CHN2: variants seen among roughly 807,000 people sequenced by gnomAD.
The protein encoded by CHN2 is chimerin 2.
A neutral mutation model predicts 56.3 loss-of-function variants in CHN2; 35 were observed. That is an observed-to-expected ratio of 0.62 (90% CI 0.47 to 0.82). The LOEUF (loss-of-function observed/expected upper bound fraction) is 0.82. Among genes scored for constraint, CHN2 ranks in the 40% least tolerant of loss-of-function variants. The probability of loss-of-function intolerance (pLI) is 0.00; values close to 1 mark genes in which losing one functional copy is unlikely to be tolerated. For synonymous variants in CHN2, 210 were observed against 212.8 expected (o/e 0.99, Z 0.12); for missense variants, 491 against 580.5 (o/e 0.85, Z 1.58).
At chr7:29,354,028 C>T (rs183470973) in intron 1 of CHN2, among the ~76,000 whole-genome samples, 1 of 152,338 alleles carries the variant, frequency 6.6e-6, no homozygotes, top group Admixed American at 6.5e-5. Flanking sequence ...GTAACTCTGT[C>T]AGTCTGACAT....
intron 1 of CHN2, among the ~76,000 whole-genome samples, chr7:29,204,825 T>G (rs1268732786): frequency 3.3e-5 from 5 of 152,176 alleles, no homozygotes; most frequent in Admixed American, 6.5e-5. Flanking sequence ...GAATATGAAT[T>G]CTTCAGTGGA....
At chr7:29,369,636 A>G (rs1049631361) in intron 3 of CHN2, among the ~76,000 whole-genome samples, 5 of 152,226 alleles carry the variant, frequency 3.3e-5, no homozygotes, top group African/African-American at 1.2e-4. Context: ...CGGTTTCTCA[A>G]AATCCTTGGA....
At chr7:29,230,855 T>G (rs757602193) in intron 1 of CHN2, among the ~76,000 whole-genome samples, 3 of 152,336 alleles carry the variant, frequency 2.0e-5, no homozygotes, top group Non-Finnish European at 4.4e-5. Context: ...TGACAATTCT[T>G]TATTTACTCA....
At chr7:29,267,177 C>A (rs867361939) in intron 1 of CHN2, among the ~76,000 whole-genome samples, 2 of 151,984 alleles carry the variant, frequency 1.3e-5, no homozygotes, top group Admixed American at 1.3e-4. Flanking sequence ...CAATGCACAA[C>A]GCTGTATCTT....
chr7:29,296,520 T>C (rs956106348), intron 1 of CHN2, among the ~76,000 whole-genome samples: 8 of 152,192 alleles, frequency 5.3e-5, no homozygotes, highest in Non-Finnish European at 7.3e-5. Context: ...AGTAAAACAA[T>C]AGAGAGATGT....
chr7:29,184,322 TCATA>T (rs893366985), intron 2 of CHN2: 6 of 151,678 alleles, frequency 4.0e-5, no homozygotes, highest in Admixed American at 2.6e-4. Flanking sequence ...ATCTCATATC[TCATA>T]CATCTATGTA....
At chr7:29,252,781 G>A (rs1355761206) in intron 1 of CHN2, among the ~76,000 whole-genome samples, 4 of 124,414 alleles carry the variant, frequency 3.2e-5, no homozygotes, top group Admixed American at 3.0e-4. Flanking sequence ...ATTTTTAGTA[G>A]AGACGGGGTT....
At chr7:29,462,763 CT>C (rs1032144369) in intron 6 of CHN2, among the ~76,000 whole-genome samples, 1 of 151,610 alleles carries the variant, frequency 6.6e-6, no homozygotes, top group Non-Finnish European at 1.5e-5. Flanking sequence ...CCATCATATT[CT>C]TTTTTTTTAA....
intron 3 of CHN2, among the ~76,000 whole-genome samples, chr7:29,371,318 G>C (rs1390071000): frequency 6.6e-6 from 1 of 152,210 alleles, no homozygotes; most frequent in African/African-American, 2.4e-5. Context: ...CTGAACAACA[G>C]CTCTGGCGCC....
At chr7:29,210,314 T>C (rs245928) in intron 1 of CHN2, among the ~76,000 whole-genome samples, 55,024 of 151,990 alleles carry the variant, frequency 0.36, 10,227 homozygotes, top group African/African-American at 0.43. Context: ...GTCTTCACTC[T>C]TAGTAAGCCC....
chr7:29,415,172 C>A (rs1430225103), intron 6 of CHN2, among the ~76,000 whole-genome samples: 2 of 152,220 alleles, frequency 1.3e-5, no homozygotes, highest in African/African-American at 4.8e-5. Context: ...TTCAGTAAGG[C>A]AGCTCCTGGG....
chr7:29,366,116 T>C (rs1004770281), intron 2 of CHN2, among the ~76,000 whole-genome samples: 1 of 152,266 alleles, frequency 6.6e-6, no homozygotes, highest in Admixed American at 6.5e-5. Context: ...GAGTTCAACT[T>C]TTGACATGTT....
At chr7:29,311,637 T>A (rs1482240504) in intron 1 of CHN2, among the ~76,000 whole-genome samples, 1 of 152,222 alleles carries the variant, frequency 6.6e-6, no homozygotes, top group African/African-American at 2.4e-5. Flanking sequence ...CTGCTGCTGC[T>A]TCTCATATTT....
intron 1 of CHN2, among the ~76,000 whole-genome samples, chr7:29,244,224 G>C (rs1044757397): frequency 1.3e-5 from 2 of 152,134 alleles, no homozygotes; most frequent in African/African-American, 4.8e-5. Flanking sequence ...CTTTTCAGTT[G>C]TAATTTTGAT....
At chr7:29,441,598 T>A (rs1783652566) in intron 6 of CHN2, among the ~76,000 whole-genome samples, 2 of 152,052 alleles carry the variant, frequency 1.3e-5, no homozygotes, top group South Asian at 4.1e-4. Flanking sequence ...CAAAAGACAA[T>A]CTAATGAAAA....
Position 29,276,553 on chromosome 7 carries a change from CTG to C in CHN2, c.50-78067_50-78066del, listed in dbSNP as rs1791234409. 2.0e-5 allele frequency among the ~76,000 whole-genome samples: 3 copies of C among 152,342 alleles called. No homozygotes were observed. The Middle Eastern group carries it at 0.01, about 518-fold the overall frequency. On this transcript the variant is annotated intron_variant, in intron 1 of 12. Coordinates refer to ENST00000222792, the MANE Select transcript of CHN2 (RefSeq NM_004067.4). ...GAATCTCAGTTCCGCCACTTAAAAA[CTG>C]TGTGGTTGCACAAGTACTGAATTCT...
At chr7:29,273,852 GA>G (rs1395000354) in intron 1 of CHN2, among the ~76,000 whole-genome samples, 1 of 152,114 alleles carries the variant, frequency 6.6e-6, no homozygotes, top group African/African-American at 2.4e-5. Flanking sequence ...TGCACTTTCT[GA>G]AAAACTCTAC....
chr7:29,211,281 T>C (rs1224333552), intron 1 of CHN2, among the ~76,000 whole-genome samples: 6 of 151,718 alleles, frequency 4.0e-5, no homozygotes, highest in Admixed American at 2.0e-4. Flanking sequence ...GGTTTCACCA[T>C]GTTAGCCGGG....
At chr7:29,406,229 A>T (rs1334954154) in intron 6 of CHN2, among the ~76,000 whole-genome samples, 2 of 152,192 alleles carry the variant, frequency 1.3e-5, no homozygotes, top group Non-Finnish European at 2.9e-5. Flanking sequence ...CAGATGGGGA[A>T]TTTGGAAAGG....
Sources: allele counts gnomAD v4.1 joint callset (sites outside exome capture counted in the v4.1 genomes callset), GRCh38; gene constraint gnomAD v4.1.1; transcripts MANE v1.5; gene names NCBI Gene and HGNC (gene_info 2026-07-23, HGNC 2026-07-21).